Variants in SLC26A2 observed in about 807,000 individuals in gnomAD.
The protein encoded by SLC26A2 is solute carrier family 26 member 2, also known as sulfate transporter.
A neutral mutation model predicts 41.1 loss-of-function variants in SLC26A2; 36 were observed. The observed-to-expected ratio is 0.88, with a 90% CI of 0.67 to 1.16. The LOEUF is 1.16. SLC26A2 is among the 50% of genes most tolerant of loss of function. The pLI, the probability that SLC26A2 is intolerant of heterozygous loss-of-function variation, is 0.00. For synonymous variants in SLC26A2, 291 were observed against 311.6 expected (o/e 0.93, Z 0.70); for missense variants, 796 against 869.6 (o/e 0.92, Z 1.07).
rs915611017 is a variant in SLC26A2, at chr5:149,965,702, C to T, written c.-26+4723C>T. Among the ~76,000 whole-genome samples the T allele has an allele frequency of 7.9e-5, 12 of 151,968 alleles. No individual in the cohort carries two copies. In the East Asian group the frequency reaches 2.3e-3, roughly 29 times the overall value. ...TAATGCTGGGTTAATGTTAAGACTT[C>T]AGGTTTTCCACAAACTTGAGATCTT... On this transcript the variant is annotated intron_variant, in intron 1 of 2. Transcript: ENST00000286298.
chr5:149,987,343 G>T lies in SLC26A2; in HGVS notation c.*5530G>T, dbSNP rs553597903. Reference sequence around the variant, plus strand: ...TTATTATGTAAGATCCTGTATGTGTGTTGAGATTTAGAGGTTTCATTTGTT... The same window carrying T: ...TTATTATGTAAGATCCTGTATGTGTTTTGAGATTTAGAGGTTTCATTTGTT... On this transcript the variant is annotated 3_prime_UTR_variant, in exon 3 of 3. Transcript: ENST00000286298. The T allele has an allele frequency of 7.9e-5, 12 of 152,304 alleles. No individual in the cohort carries two copies. The South Asian group carries it at 2.5e-3, about 32-fold the overall frequency. The allele number at this position is 152,304 out of a possible 1,614,324, so 9.4% of individuals were successfully genotyped here.
intron 1 of SLC26A2, among the ~76,000 whole-genome samples, chr5:149,961,575 C>T (rs1378474252): frequency 1.3e-5 from 2 of 152,244 alleles, no homozygotes. Flanking sequence ...AGGACTTGTA[C>T]CCAGCTCTCC....
intron 1 of SLC26A2, among the ~76,000 whole-genome samples, chr5:149,964,415 T>C (rs1447252417): frequency 1.3e-5 from 2 of 152,084 alleles, no homozygotes; most frequent in Non-Finnish European, 2.9e-5. Context: ...AGGTGGAGGT[T>C]GCAGTGAGCT....
At chr5:149,975,930 G>T (rs1057279614) in intron 1 of SLC26A2, among the ~76,000 whole-genome samples, 1 of 152,144 alleles carries the variant, frequency 6.6e-6, no homozygotes, top group Non-Finnish European at 1.5e-5. Flanking sequence ...GGCTGAGGCG[G>T]ATGGATCACC....
chr5:149,976,897 A>G (rs541384925), intron 1 of SLC26A2, among the ~76,000 whole-genome samples: 1 of 152,348 alleles, frequency 6.6e-6, no homozygotes, highest in South Asian at 2.1e-4. Flanking sequence ...ACTAGAACAT[A>G]GTGGAATAGA....
In SLC26A2 at chr5:149,983,327, C is replaced by A. The variant is rs1183407580; in HGVS notation, c.*1514C>A. The A allele has an allele frequency of 4.6e-5, 7 of 152,012 alleles. No homozygotes were observed. The highest frequency in any genetic ancestry group is 1.7e-4 in the African/African-American group (7 of 41,398). The allele number at this position is 152,012 out of a possible 1,614,324, so 9.4% of individuals were successfully genotyped here. The stretch of plus-strand genomic sequence containing the variant: ...TCCCATTTGGTGACATGGAAAATAC[C>A]TTTCCATTATCACAACAAAGCAGTT... On this transcript the variant is annotated 3_prime_UTR_variant, in exon 3 of 3. Transcript: ENST00000286298.
chr5:149,963,086 T>A (rs11958442), intron 1 of SLC26A2, among the ~76,000 whole-genome samples: 9,037 of 28,032 alleles, frequency 0.32, 704 homozygotes, highest in African/African-American at 0.51. Context: ...GGTGCTATAT[T>A]TATTTATTTA....
At chr5:149,978,836 T>C (rs1191361710) in intron 2 of SLC26A2, among the ~76,000 whole-genome samples, 1 of 152,062 alleles carries the variant, frequency 6.6e-6, no homozygotes, top group African/African-American at 2.4e-5. Context: ...TACAGGCACA[T>C]GCTACCACAC....
At chr5:149,967,932 A>G (rs1024521786) in intron 1 of SLC26A2, among the ~76,000 whole-genome samples, 2 of 149,474 alleles carry the variant, frequency 1.3e-5, no homozygotes, top group Admixed American at 1.3e-4. Flanking sequence ...CCTTTTCTAG[A>G]TATTTTGTAT....
Position 149,977,513 on chromosome 5 carries a change from CCT to C in SLC26A2, c.-25-114_-25-113del, listed in dbSNP as rs1458489705. ...AATTAAGGAAAAGGGACATAAGATA[CCT>C]ATTCCAAAACTGAATTCCTTTTAAC... On this transcript the variant is annotated intron_variant, in intron 1 of 2. Coordinates refer to ENST00000286298, the MANE Select transcript of SLC26A2 (RefSeq NM_000112.4). The C allele has an allele frequency of 1.1e-5, 8 of 702,174 alleles. No individual in the cohort carries two copies. The East Asian group carries it at 1.9e-4, about 17-fold the overall frequency. 43.5% of individuals were successfully genotyped at this position (702,174 alleles called of 1,614,324 possible).
In SLC26A2 at chr5:149,978,229, T is replaced by C. The variant is rs1238535863; in HGVS notation, c.577T>C (p.Ser193Pro). 3 of 1,614,002 alleles carry C rather than the reference T, an allele frequency of 1.9e-6. No homozygotes were observed. Among genetic ancestry groups the C allele is most frequent in the Non-Finnish European group, 2.5e-6 (3 of 1,179,978 alleles). The change falls in exon 2 of 3, where the codon TCC becomes CCC. Residue 193 changes from serine to proline, a missense_variant. Coordinates refer to ENST00000286298, the MANE Select transcript of SLC26A2 (RefSeq NM_000112.4). Reference sequence around the variant, plus strand: ...CTATGACAATGCCCATAGTGCTCCTTCCTTAGGAATGGTTTCAAATGGGAG... The same window carrying C: ...CTATGACAATGCCCATAGTGCTCCTCCCTTAGGAATGGTTTCAAATGGGAG... ...AGYDNAHSAP[S>P]LGMVSNGSTL... is the part of the protein sequence containing the mutation.
rs1207867539 is a variant in SLC26A2, at chr5:149,985,838, T to A, written c.*4025T>A. 6.6e-6 allele frequency: 1 copy of A among 152,240 alleles called. No homozygotes were observed. Among genetic ancestry groups the A allele is most frequent in the Non-Finnish European group, 1.5e-5 (1 of 68,080 alleles). The allele number at this position is 152,240 out of a possible 1,614,324, so 9.4% of individuals were successfully genotyped here. On this transcript the variant is annotated 3_prime_UTR_variant, in exon 3 of 3. Coordinates refer to ENST00000286298, the MANE Select transcript of SLC26A2 (RefSeq NM_000112.4). Reference sequence around the variant, plus strand: ...GGACTATGGTACTAAATCCAGTAGATGGGCTGTGTAGCAACTCTCCCAGGG... The same window carrying A: ...GGACTATGGTACTAAATCCAGTAGAAGGGCTGTGTAGCAACTCTCCCAGGG...
intron 1 of SLC26A2, among the ~76,000 whole-genome samples, chr5:149,963,782 A>G (rs565087753): frequency 3.8e-4 from 35 of 92,266 alleles, no homozygotes; most frequent in Non-Finnish European, 5.7e-4. Flanking sequence ...AGATCTTGCT[A>G]TGTTACCCAG....
At chr5:149,968,923 G>A (rs543121882) in intron 1 of SLC26A2, among the ~76,000 whole-genome samples, 4 of 151,098 alleles carry the variant, frequency 2.6e-5, no homozygotes, top group East Asian at 2.0e-4. Context: ...TGTATTTTTG[G>A]TAGAGACAGG....
rs1755082615 is a variant in SLC26A2 at position 149,980,765 on chromosome 5, T to C, written c.1172T>C (p.Ile391Thr). Reference sequence around the variant, plus strand: ...GCTGTAGATGCAATAGCTATTTCCATCATTGGTTTTGCTATCACTGTATCA... The same window carrying C: ...GCTGTAGATGCAATAGCTATTTCCACCATTGGTTTTGCTATCACTGTATCA... ...SVAVDAIAIS[I>T]IGFAITVSLS... The change falls in exon 3 of 3, where the codon ATC becomes ACC. Residue 391 changes from isoleucine to threonine, a missense_variant. Ile to Thr is a moderately conservative substitution (Grantham distance 89). Coordinates refer to ENST00000286298, the MANE Select transcript of SLC26A2 (RefSeq NM_000112.4). 3 of 1,613,940 alleles carry C rather than the reference T, an allele frequency of 1.9e-6. No individual in the cohort carries two copies. The highest frequency in any genetic ancestry group is 2.5e-6 in the Non-Finnish European group (3 of 1,180,016).
intron 1 of SLC26A2, among the ~76,000 whole-genome samples, chr5:149,976,175 T>A (rs569938179): frequency 1.6e-4 from 24 of 149,484 alleles, no homozygotes; most frequent in South Asian, 1.3e-3. Flanking sequence ...AAAAAAAAAA[T>A]GTCTCTATCT....
intron 1 of SLC26A2, among the ~76,000 whole-genome samples, chr5:149,961,740 A>G (rs1257678370): frequency 6.6e-6 from 1 of 152,096 alleles, no homozygotes; most frequent in Non-Finnish European, 1.5e-5. Flanking sequence ...GAAATCTACA[A>G]CTAATGTGAT....
chr5:149,967,879 T>A (rs990679019), intron 1 of SLC26A2, among the ~76,000 whole-genome samples: 1 of 152,026 alleles, frequency 6.6e-6, no homozygotes, highest in Non-Finnish European at 1.5e-5. Flanking sequence ...CCTCCCAAAG[T>A]GCTGGGATTA....
chr5:149,977,571 A>G, intron 1 of SLC26A2, 57 bp from the exon 2 acceptor site: 1 of 882,008 alleles, frequency 1.1e-6, no homozygotes, highest in South Asian at 1.4e-5. Context: ...AATTGTTAGT[A>G]TATGTGAGCA....
Sources: allele counts gnomAD v4.1 joint callset (sites outside exome capture counted in the v4.1 genomes callset), GRCh38; gene constraint gnomAD v4.1.1; transcripts MANE v1.5; gene names NCBI Gene and HGNC (gene_info 2026-07-23, HGNC 2026-07-21).